The following MARCHF1 variants were observed in gnomAD, a reference collection of about 807,000 sequenced individuals.
MARCHF1 encodes E3 ubiquitin-protein ligase MARCHF1.
In MARCHF1, 40 loss-of-function variants were observed where a neutral mutation model predicts 54.2. The ratio of observed to expected loss-of-function variants is 0.74; its 90% CI spans 0.57 to 0.96. The LOEUF is 0.96. Among genes scored for constraint, MARCHF1 ranks in the 40% least tolerant of loss-of-function variants. The probability of loss-of-function intolerance (pLI) is 0.00; values close to 1 mark genes in which losing one functional copy is unlikely to be tolerated. For synonymous variants in MARCHF1, 236 were observed against 236.3 expected, an observed-to-expected ratio of 1.00 and a Z score of 0.01; for missense variants, 586 against 656.5, an observed-to-expected ratio of 0.89 and a Z score of 1.17.
chr4:163,649,922 T>C (rs1244769311), intron 5 of MARCHF1, among the ~76,000 whole-genome samples: 6 of 152,008 alleles, frequency 3.9e-5, no homozygotes, highest in Non-Finnish European at 7.4e-5. Flanking sequence ...GTACTACCAT[T>C]TACATTTATG....
chr4:163,799,624 T>C (rs1748021336), intron 4 of MARCHF1, among the ~76,000 whole-genome samples: 1 of 152,106 alleles, frequency 6.6e-6, no homozygotes, highest in African/African-American at 2.4e-5. Context: ...GTTAATTCCT[T>C]CAAAACATAC....
In MARCHF1 at chr4:164,096,604, C is replaced by A. The variant is rs567896406; in HGVS notation, c.-248+14984G>T. 2.0e-5 allele frequency among the ~76,000 whole-genome samples: 3 copies of A among 151,780 alleles called. No individual in the cohort carries two copies. In the East Asian group the frequency reaches 5.8e-4, roughly 30 times the overall value. On this transcript the variant is annotated intron_variant, in intron 2 of 9. Coordinates refer to ENST00000514618, the MANE Select transcript of MARCHF1 (RefSeq NM_001394959.1). ...AATTTAAAAAGTGTGCCTCCAGAGT[C>A]CTTCTCTTTGTAAGGAATATGTAAG...
At chr4:163,688,822 G>A (rs1303925974) in intron 5 of MARCHF1, among the ~76,000 whole-genome samples, 2 of 152,092 alleles carry the variant, frequency 1.3e-5, no homozygotes, top group African/African-American at 4.8e-5. Flanking sequence ...GACTTTGAAT[G>A]TATGCTCTTA....
chr4:163,573,327 T>A (rs1396253190), intron 8 of MARCHF1, among the ~76,000 whole-genome samples: 1 of 141,016 alleles, frequency 7.1e-6, no homozygotes, highest in Non-Finnish European at 1.5e-5. Flanking sequence ...TTATTATTAT[T>A]ATACTTTAAG....
chr4:163,979,394 G>A (rs1752715932), intron 3 of MARCHF1, among the ~76,000 whole-genome samples: 1 of 147,740 alleles, frequency 6.8e-6, no homozygotes, highest in Non-Finnish European at 1.5e-5. Context: ...GTGTATATGT[G>A]CCACATTTTC....
chr4:163,579,324 CAAAT>C (rs940775120), intron 8 of MARCHF1, among the ~76,000 whole-genome samples: 7 of 152,136 alleles, frequency 4.6e-5, no homozygotes, highest in African/African-American at 9.6e-5. Context: ...GGAAATAAAA[CAAAT>C]AAAAACAAAA....
At chr4:164,363,853 G>A (rs978876978) in intron 1 of MARCHF1, among the ~76,000 whole-genome samples, 3 of 151,882 alleles carry the variant, frequency 2.0e-5, no homozygotes, top group African/African-American at 7.3e-5. Flanking sequence ...AGTAGAGAAT[G>A]TAGGGGTCTT....
intron 2 of MARCHF1, among the ~76,000 whole-genome samples, chr4:164,069,506 G>A (rs1294552723): frequency 6.6e-6 from 1 of 151,894 alleles, no homozygotes; most frequent in African/African-American, 2.4e-5. Flanking sequence ...GAACCCACTG[G>A]GAGGAATGAA....
At chr4:163,921,887 A>T (rs1389465096) in intron 3 of MARCHF1, among the ~76,000 whole-genome samples, 1 of 152,192 alleles carries the variant, frequency 6.6e-6, no homozygotes, top group Non-Finnish European at 1.5e-5. Context: ...CCAAAGGATT[A>T]TAAATCATGC....
chr4:163,613,496 G>A (rs375669102), intron 5 of MARCHF1, 103 bp from the exon 6 acceptor site: 35 of 1,611,254 alleles, frequency 2.2e-5, no homozygotes, highest in South Asian at 3.3e-5. Flanking sequence ...AAACGTGGCT[G>A]CTGGTCATGT....
At position 163,639,335 on chromosome 4, in the gene MARCHF1, C is replaced by T. The variant is rs371400113; in HGVS notation, c.163-25942G>A. The stretch of plus-strand genomic sequence containing the variant: ...AGTTGCACTGTCCGTAATATAAAAA[C>T]AAGCTGCACAATTAGAAGAAGCACA... On this transcript the variant is annotated intron_variant, in intron 5 of 9. Transcript: ENST00000514618. 2.0e-4 allele frequency among the ~76,000 whole-genome samples: 30 copies of T among 152,202 alleles called. No individual in the cohort carries two copies. In the East Asian group the frequency reaches 5.0e-3, roughly 26 times the overall value.
chr4:163,685,208 T>A (rs1304683352), intron 5 of MARCHF1, among the ~76,000 whole-genome samples: 1 of 146,872 alleles, frequency 6.8e-6, no homozygotes, highest in Non-Finnish European at 1.5e-5. Flanking sequence ...TTTATTACAC[T>A]TTTTTTTTTG....
chr4:163,592,854 CT>C (rs1243481518), intron 7 of MARCHF1, among the ~76,000 whole-genome samples: 3 of 152,052 alleles, frequency 2.0e-5, no homozygotes, highest in Non-Finnish European at 4.4e-5. Flanking sequence ...TCTCCATGGG[CT>C]CTTGAAACAC....
intron 1 of MARCHF1, among the ~76,000 whole-genome samples, chr4:164,356,182 T>C (rs1191638224): frequency 9.2e-6 from 1 of 108,976 alleles, no homozygotes; most frequent in African/African-American, 3.0e-5. Context: ...TGTAAACTAG[T>C]TCAACCATTG....
intron 4 of MARCHF1, among the ~76,000 whole-genome samples, chr4:163,716,606 T>C (rs941157588): frequency 2.6e-5 from 4 of 152,244 alleles, no homozygotes; most frequent in African/African-American, 9.6e-5. Context: ...GTGTTTGTTA[T>C]TGTAGTGTTG....
At chr4:164,223,892 T>G (rs1018669782) in intron 1 of MARCHF1, among the ~76,000 whole-genome samples, 1 of 150,278 alleles carries the variant, frequency 6.7e-6, no homozygotes, top group Non-Finnish European at 1.5e-5. Flanking sequence ...AAAAACCTAT[T>G]TAAATTAATT....
rs13434572 is a variant in MARCHF1 at position 164,171,515 on chromosome 4, T to C, written c.-322-59853A>G. ...GAAATAAGTGATTAGAAGATTATAG[T>C]AATGATTCTCAAATAATAGTTAAAA... On this transcript the variant is annotated intron_variant, in intron 1 of 9. Transcript: ENST00000514618. Among the ~76,000 whole-genome samples, 816 of 152,140 alleles carry C rather than the reference T, an allele frequency of 5.4e-3. 10 individuals carry two copies. The highest frequency in any genetic ancestry group is 0.019 in the African/African-American group (793 of 41,478).
rs186254988 is a variant in MARCHF1, at chr4:164,220,380, C to A, written c.-322-108718G>T. ...TATATACATATTCCCATATATATTC[C>A]ATTCCTATGTATATAGGAATTCCAT... On this transcript the variant is annotated intron_variant, in intron 1 of 9. Coordinates refer to ENST00000514618, the MANE Select transcript of MARCHF1 (RefSeq NM_001394959.1). Among the ~76,000 whole-genome samples the A allele has an allele frequency of 2.1e-4, 31 of 145,590 alleles. 1 individual carries two copies. The East Asian group carries it at 5.6e-3, about 26-fold the overall frequency.
intron 1 of MARCHF1, among the ~76,000 whole-genome samples, chr4:164,176,266 A>C (rs1035256695): frequency 2.0e-5 from 3 of 152,202 alleles, no homozygotes; most frequent in Admixed American, 2.0e-4. Flanking sequence ...TAATCATTTT[A>C]TACTTGGTCT....
Sources: allele counts gnomAD v4.1 joint callset (sites outside exome capture counted in the v4.1 genomes callset), GRCh38; gene constraint gnomAD v4.1.1; transcripts MANE v1.5; gene names NCBI Gene and HGNC (gene_info 2026-07-23, HGNC 2026-07-21).